KIR3DL1: variants seen among roughly 807,000 people sequenced by gnomAD.
KIR3DL1 encodes the protein killer cell immunoglobulin-like receptor 3DL1.
KIR3DL1 carries 50 observed loss-of-function variants against 40.3 expected under a neutral mutation model. The ratio of observed to expected loss-of-function variants is 1.24; its 90% CI spans 0.99 to 1.57. The LOEUF (loss-of-function observed/expected upper bound fraction) is 1.57, where lower values mean the gene tolerates loss of function less well. Ranked by LOEUF, KIR3DL1 falls within the 40% of genes most tolerant of loss-of-function variation. The probability of loss-of-function intolerance (pLI) is 0.00; values close to 1 mark genes in which losing one functional copy is unlikely to be tolerated. For synonymous variants in KIR3DL1, 257 were observed against 207.2 expected (o/e 1.24, Z -2.07); for missense variants, 661 against 559.9 (o/e 1.18, Z -1.82).
intron 6 of KIR3DL1, among the ~76,000 whole-genome samples, chr19:54,827,780 T>C (rs942874878): frequency 6.6e-6 from 1 of 150,662 alleles, no homozygotes; most frequent in Non-Finnish European, 1.5e-5. Context: ...TGGCTTTCTG[T>C]GAGCATGAGA....
chr19:54,823,765 T>TA (rs1394980109), intron 5 of KIR3DL1, among the ~76,000 whole-genome samples: 3 of 151,550 alleles, frequency 2.0e-5, no homozygotes, highest in African/African-American at 7.3e-5. Context: ...GTGCCGGAAT[T>TA]ACAGGCGTGA....
chr19:54,819,001 G>C (rs1191079577), intron 3 of KIR3DL1, among the ~76,000 whole-genome samples: 4 of 150,932 alleles, frequency 2.7e-5, no homozygotes, highest in African/African-American at 9.8e-5. Flanking sequence ...GCCACTGCGG[G>C]CTTTGAAGGT....
At chr19:54,818,597 C>T in exon 3 of KIR3DL1, 1 of 1,609,224 alleles carries the variant, frequency 6.2e-7, no homozygotes, top group South Asian at 1.1e-5. Flanking sequence ...ATCATGGTCA[C>T]AGGTCAGAGG....
exon 4 of KIR3DL1, chr19:54,819,926 C>T (rs1401242897): frequency 6.2e-7 from 1 of 1,612,090 alleles, no homozygotes. Context: ...CTTGCCCTTG[C>T]AGGGACCTAC....
At chr19:54,824,633 A>C (rs541925927) in intron 5 of KIR3DL1, among the ~76,000 whole-genome samples, 6 of 151,228 alleles carry the variant, frequency 4.0e-5, no homozygotes, top group African/African-American at 1.5e-4. Flanking sequence ...CTGAGATTGC[A>C]CCTCTGCACT....
exon 4 of KIR3DL1, chr19:54,819,787 T>C (rs1341830023): frequency 1.9e-6 from 3 of 1,611,336 alleles, no homozygotes; most frequent in Non-Finnish European, 2.5e-6. Context: ...CATCCTGCAA[T>C]GTTGGTCAGA....
Position 54,817,567 on chromosome 19 carries a change from T to C in KIR3DL1, c.68T>C (p.Met23Thr), listed in dbSNP as rs533930457. Reference sequence around the variant, plus strand: ...TTGGTCCAGAGGGCCGGTCCACACATGGGTGAGTCCTTCCCCAAACCTTAG... The same window carrying C: ...TTGGTCCAGAGGGCCGGTCCACACACGGGTGAGTCCTTCCCCAAACCTTAG... The change falls in exon 2 of 9, where the codon ATG (methionine) becomes ACG (threonine). Residue 23 changes from methionine (M) to threonine (T), a missense_variant and splice_region_variant. Physicochemically the swap from Met to Thr is moderately conservative, Grantham distance 81. This residue lies in a region of KIR3DL1 where 548 missense variants were observed against 413.3 expected (regional missense o/e 1.33). Coordinates refer to ENST00000391728, the Ensembl canonical transcript of KIR3DL1. The C allele has an allele frequency of 5.3e-6, 8 of 1,506,182 alleles. No homozygotes were observed. In the East Asian group the frequency reaches 1.2e-4, roughly 23 times the overall value. The allele number at this position is 1,506,182 out of a possible 1,614,324, so 93.3% of individuals were successfully genotyped here.
intron 4 of KIR3DL1, among the ~76,000 whole-genome samples, chr19:54,820,277 T>A (rs1232576024): frequency 1.3e-5 from 2 of 151,422 alleles, no homozygotes; most frequent in East Asian, 3.9e-4. Context: ...CAGACAGACA[T>A]GTCCCAGAGA....
intron 3 of KIR3DL1, among the ~76,000 whole-genome samples, chr19:54,819,455 C>G (rs954775029): frequency 4.6e-5 from 7 of 151,160 alleles, no homozygotes; most frequent in African/African-American, 1.5e-4. Context: ...TAGTGGGAAA[C>G]AGATACAACA....
chr19:54,819,077 T>C (rs1462772767), intron 3 of KIR3DL1, among the ~76,000 whole-genome samples: 1 of 151,358 alleles, frequency 6.6e-6, no homozygotes, highest in East Asian at 1.9e-4. Context: ...AGAGAACTGA[T>C]TCGCTGATTC....
intron 4 of KIR3DL1, among the ~76,000 whole-genome samples, chr19:54,820,782 C>T (rs560074238): frequency 6.6e-6 from 1 of 150,882 alleles, no homozygotes; most frequent in Non-Finnish European, 1.5e-5. Context: ...AAAATCAGAA[C>T]CCTGAGGGAG....
intron 1 of KIR3DL1, 96 bp from the exon 2 acceptor site, chr19:54,817,438 C>A: frequency 9.3e-7 from 1 of 1,073,146 alleles, no homozygotes; most frequent in East Asian, 2.9e-5. Context: ...TTCAGCCCAG[C>A]AAGGGCCTGG....
At chr19:54,827,086 A>G in intron 6 of KIR3DL1, among the ~76,000 whole-genome samples, 1 of 148,244 alleles carries the variant, frequency 6.7e-6, no homozygotes, top group Non-Finnish European at 1.5e-5. Flanking sequence ...GTGCTGATTT[A>G]GACCCTAAGT....
exon 3 of KIR3DL1, chr19:54,818,523 C>T: frequency 1.2e-6 from 2 of 1,611,586 alleles, no homozygotes; most frequent in Admixed American, 3.3e-5. Flanking sequence ...CAGGGAACTA[C>T]ACATGTCGGG....
intron 1 of KIR3DL1, among the ~76,000 whole-genome samples, chr19:54,817,031 C>T (rs2061378939): frequency 7.0e-6 from 1 of 143,578 alleles, no homozygotes; most frequent in African/African-American, 2.7e-5. Flanking sequence ...GAGATCTGGG[C>T]CTGGAGTGGA....
intron 4 of KIR3DL1, among the ~76,000 whole-genome samples, chr19:54,820,628 A>C (rs546107755): frequency 6.6e-6 from 1 of 151,500 alleles, no homozygotes; most frequent in South Asian, 2.1e-4. Flanking sequence ...AGACACAGAG[A>C]AAAATCAGGG....
intron 2 of KIR3DL1, among the ~76,000 whole-genome samples, chr19:54,817,832 A>T (rs1431396015): frequency 4.7e-5 from 7 of 148,630 alleles, no homozygotes; most frequent in Non-Finnish European, 1.0e-4. Flanking sequence ...AAGAGAGGGA[A>T]GCAGTGCTAG....
intron 1 of KIR3DL1, among the ~76,000 whole-genome samples, chr19:54,817,046 T>TGGGCTTGGGGTGGA (rs2148053871): frequency 7.1e-6 from 1 of 141,442 alleles, no homozygotes; most frequent in African/African-American, 2.7e-5. Context: ...AGTGGAGATA[T>TGGGCTTGGGGTGGA]GATCCTGGAG....
intron 6 of KIR3DL1, among the ~76,000 whole-genome samples, chr19:54,826,747 AT>A (rs1269942553): frequency 6.6e-6 from 1 of 150,894 alleles, no homozygotes; most frequent in Non-Finnish European, 1.5e-5. Context: ...TGGCGGAAGG[AT>A]TTTCCACACA....
Sources: allele counts gnomAD v4.1 joint callset (sites outside exome capture counted in the v4.1 genomes callset), GRCh38; gene constraint gnomAD v4.1.1; regional missense constraint gnomAD v4.1.1; transcripts MANE v1.5; gene names NCBI Gene and HGNC (gene_info 2026-07-23, HGNC 2026-07-21).